Variants in FRAS1 observed in about 807,000 individuals in gnomAD.
The protein encoded by FRAS1 is extracellular matrix organizing protein FRAS1.
A neutral mutation model predicts 435.2 loss-of-function variants in FRAS1; 290 were observed. That is an observed-to-expected ratio of 0.67 (90% confidence interval 0.61 to 0.73). The LOEUF (loss-of-function observed/expected upper bound fraction) is 0.73, where lower values mean the gene tolerates loss of function less well. FRAS1 is among the 30% of genes least tolerant of loss of function. FRAS1 has a pLI of 0.00. For missense variants in FRAS1, 4,860 were observed against 5,001.5 expected, an observed-to-expected ratio of 0.97 and a Z score of 0.85; for synonymous variants, 1,800 against 1,851.0, an observed-to-expected ratio of 0.97 and a Z score of 0.71.
chr4:78,195,576 G>A (rs534396878), intron 2 of FRAS1, among the ~76,000 whole-genome samples: 9 of 152,344 alleles, frequency 5.9e-5, no homozygotes, highest in East Asian at 1.9e-4. Flanking sequence ...CGAGCCAGGC[G>A]TGGGATATAA....
chr4:78,225,829 A>G (rs1724245935), intron 2 of FRAS1, among the ~76,000 whole-genome samples: 1 of 152,172 alleles, frequency 6.6e-6, no homozygotes, highest in Non-Finnish European at 1.5e-5. Context: ...TCTCAATGTT[A>G]TTGGATCCAC....
At chr4:78,404,695 TA>T (rs1326836486) in intron 30 of FRAS1, among the ~76,000 whole-genome samples, 1 of 152,224 alleles carries the variant, frequency 6.6e-6, no homozygotes, top group Non-Finnish European at 1.5e-5. Context: ...CTTCCTCAGT[TA>T]CTCTTGCATC....
chr4:78,503,104 G>A (rs1042148494), intron 61 of FRAS1, among the ~76,000 whole-genome samples: 1 of 152,158 alleles, frequency 6.6e-6, no homozygotes, highest in Non-Finnish European at 1.5e-5. Flanking sequence ...ATGTGCTGCT[G>A]GATTCGATTC....
rs1727599759 is a variant in FRAS1 at position 78,286,326 on chromosome 4, G to A, written c.1400-79G>A. On this transcript the variant is annotated intron_variant, in intron 13 of 73. Coordinates refer to ENST00000512123, the MANE Select transcript of FRAS1 (RefSeq NM_025074.7). ...ACCTGGAGCCTCAAGATTGGGCTGT[G>A]TAAGCACTGGCATGGGGGTGGTGTC... The A allele has an allele frequency of 8.4e-6, 13 of 1,545,084 alleles. No individual in the cohort carries two copies. In the South Asian group the frequency reaches 1.3e-4, roughly 16 times the overall value.
rs1179868452 is a variant in FRAS1, at chr4:78,106,292, G to T, written c.108+40276G>T. Among the ~76,000 whole-genome samples the T allele has an allele frequency of 2.3e-3, 195 of 83,864 alleles. 11 individuals are homozygous for T. Among genetic ancestry groups the T allele is most frequent in the Non-Finnish European group, 4.0e-3 (163 of 40,428 alleles). 55.0% of individuals were successfully genotyped at this position (83,864 alleles called of 152,430 possible). A position where few individuals can be genotyped will look rare whatever the true frequency, so the allele number is the denominator to read the frequency against. On this transcript the variant is annotated intron_variant, in intron 2 of 73. Coordinates refer to ENST00000512123, the MANE Select transcript of FRAS1 (RefSeq NM_025074.7). ...GCCTCTGTAGGCTCCACCTCTGGGG[G>T]CAGGGCACAGGCAAACAAAAAGACA...
At chr4:78,529,249 G>T (rs1186498417) in intron 70 of FRAS1, among the ~76,000 whole-genome samples, 2 of 152,118 alleles carry the variant, frequency 1.3e-5, no homozygotes, top group East Asian at 3.9e-4. Flanking sequence ...CCAGGAAAAT[G>T]GTAGTTGGCT....
chr4:78,132,755 A>G (rs990060230), intron 2 of FRAS1, among the ~76,000 whole-genome samples: 1 of 152,102 alleles, frequency 6.6e-6, no homozygotes, highest in Admixed American at 6.6e-5. Flanking sequence ...TTTTCACATG[A>G]CCCTGAAAAG....
At chr4:78,274,169 A>G (rs1578220863) in intron 9 of FRAS1, among the ~76,000 whole-genome samples, 2 of 152,068 alleles carry the variant, frequency 1.3e-5, no homozygotes, top group South Asian at 2.1e-4. Flanking sequence ...TATCCCCTTT[A>G]TCATTTTTTA....
chr4:78,504,667 C>T (rs1720778803), intron 61 of FRAS1, among the ~76,000 whole-genome samples: 1 of 152,140 alleles, frequency 6.6e-6, no homozygotes, highest in Non-Finnish European at 1.5e-5. Flanking sequence ...TGGGTCTTGA[C>T]TCTTTATCCA....
Position 78,518,422 on chromosome 4 carries a change from GTATATA to G in FRAS1, c.10390-883_10390-878del, listed in dbSNP as rs71216219. 2.4e-3 allele frequency among the ~76,000 whole-genome samples: 327 copies of G among 135,698 alleles called. 1 individual carries two copies. The highest frequency in any genetic ancestry group is 9.2e-3 in the South Asian group (42 of 4,578). 89.0% of individuals were successfully genotyped at this position (135,698 alleles called of 152,430 possible). On this transcript the variant is annotated intron_variant, in intron 66 of 73. Transcript: ENST00000512123. ...GTTTTAAGCTAAGTTTTTTTGTTGT[GTATATA>G]TATATATATATATATATATATATAT...
At position 78,307,596 on chromosome 4, in the gene FRAS1, C is replaced by T. The variant is rs370966369; in HGVS notation, c.1535-470C>T. Among the ~76,000 whole-genome samples, 37 of 152,334 alleles carry T rather than the reference C, an allele frequency of 2.4e-4. 1 individual carries two copies. Among genetic ancestry groups the T allele is most frequent in the African/African-American group, 7.7e-4 (32 of 41,576 alleles). ...AAGCCCGTCGGAAAAGCGCAGTATT[C>T]GGGTGGGAGTGACCCGATTTTCCAG... On this transcript the variant is annotated intron_variant, in intron 14 of 73. Coordinates refer to ENST00000512123, the MANE Select transcript of FRAS1 (RefSeq NM_025074.7).
chr4:78,252,210 A>C (rs1725564317), intron 4 of FRAS1, among the ~76,000 whole-genome samples, 182 bp from the exon 5 acceptor site: 1 of 152,090 alleles, frequency 6.6e-6, no homozygotes, highest in African/African-American at 2.4e-5. Context: ...CCATGTTTAA[A>C]CTGGCCTTTG....
intron 49 of FRAS1, among the ~76,000 whole-genome samples, chr4:78,465,971 A>G (rs1199265346): frequency 6.6e-6 from 1 of 152,206 alleles, no homozygotes; most frequent in African/African-American, 2.4e-5. Flanking sequence ...TGACCTGAAG[A>G]GAAGAAATTT....
intron 14 of FRAS1, among the ~76,000 whole-genome samples, chr4:78,304,342 C>A (rs567603646): frequency 5.3e-5 from 8 of 152,272 alleles, no homozygotes; most frequent in Non-Finnish European, 1.0e-4. Context: ...CTCTGCCAGG[C>A]TTTAGTATCA....
chr4:78,241,683 G>A (rs1725009888), intron 3 of FRAS1, among the ~76,000 whole-genome samples: 2 of 152,096 alleles, frequency 1.3e-5, no homozygotes, highest in South Asian at 4.1e-4. Context: ...GTAAAGAAGT[G>A]CTCAAGGATC....
intron 27 of FRAS1, among the ~76,000 whole-genome samples, chr4:78,381,065 A>G (rs116468601): frequency 0.023 from 3,553 of 152,266 alleles, 156 homozygotes; most frequent in African/African-American, 0.08. Context: ...AGACCTCTCA[A>G]CATGTGTGTG....
At chr4:78,423,173 T>TC (rs1417430887) in intron 34 of FRAS1, among the ~76,000 whole-genome samples, 1 of 141,066 alleles carries the variant, frequency 7.1e-6, no homozygotes, top group African/African-American at 2.6e-5. Flanking sequence ...TTTCTTTTTC[T>TC]TTTTTTTTTT....
At chr4:78,263,208 G>A (rs1726198800) in intron 6 of FRAS1, among the ~76,000 whole-genome samples, 2 of 152,140 alleles carry the variant, frequency 1.3e-5, no homozygotes, top group Admixed American at 6.5e-5. Context: ...CTCCAGTTCT[G>A]GCTGTAAAGC....
rs1296874702 is a variant in FRAS1 at position 78,255,366 on chromosome 4, T to G, written c.594T>G (p.Phe198Leu). The part of the protein sequence containing the change: ...QCFTAQCQPL[F>L]CNQDETVVRV... ...TCACAGCTCAGTGTCAGCCTCTATT[T>G]TGTAACCAGGTAAGGAAGACAACCT... The change falls in exon 6 of 74, where the codon TTT becomes TTG. Residue 198 changes from phenylalanine (F) to leucine (L), a missense_variant. Transcript: ENST00000512123. 6 of 1,592,730 alleles carry G rather than the reference T, an allele frequency of 3.8e-6. No homozygotes were observed. Among genetic ancestry groups the G allele is most frequent in the Non-Finnish European group, 5.1e-6 (6 of 1,169,022 alleles).
Sources: gnomAD v4.1 joint callset for allele counts (sites outside exome capture counted in the v4.1 genomes callset) on GRCh38, gnomAD v4.1.1 for gene constraint, MANE v1.5 for transcripts, NCBI Gene and HGNC (gene_info 2026-07-23, HGNC 2026-07-21) for gene names.